POM121: variants seen among roughly 807,000 people sequenced by gnomAD.
POM121 encodes POM121 transmembrane nucleoporin.
POM121 carries 32 observed loss-of-function variants against 81.3 expected under a neutral mutation model. That is an observed-to-expected ratio of 0.39 (90% confidence interval 0.30 to 0.53). The LOEUF is 0.53. POM121 is among the 20% of genes least tolerant of loss of function. POM121 has a pLI of 0.66. For synonymous variants in POM121, 514 were observed against 694.2 expected, an observed-to-expected ratio of 0.74 and a Z score of 4.08; for missense variants, 1,138 against 1,614.6, an observed-to-expected ratio of 0.70 and a Z score of 5.06.
At chr7:72,889,420 G>A (rs1791080454) in intron 1 of POM121, among the ~76,000 whole-genome samples, 1 of 152,216 alleles carries the variant, frequency 6.6e-6, no homozygotes, top group African/African-American at 2.4e-5. Flanking sequence ...CTACAAGTTT[G>A]GGCGGGGCAT....
At chr7:72,939,477 T>G in intron 7 of POM121, 68 bp downstream of exon 7, 1 of 1,583,828 alleles carries the variant, frequency 6.3e-7, no homozygotes, top group South Asian at 1.1e-5. Context: ...ATGTAGAGAT[T>G]AATACCTATT....
At chr7:72,948,976 A>C (rs1554504134), downstream of POM121, 6 of 1,610,998 alleles carry the variant, frequency 3.7e-6, no homozygotes, top group Non-Finnish European at 5.1e-6. Context: ...GGAGTAGACG[A>C]GCCGCTGCAG....
At position 72,894,179 on chromosome 7, in the gene POM121, C is replaced by T. The variant is rs139019358; in HGVS notation, c.-216+3069C>T. On this transcript the variant is annotated intron_variant, in intron 3 of 15. Transcript: ENST00000395270. ...TTTGGAGGCTGAGGCACAAGAATTG[C>T]TTGAACCCGGGAGGCAGCAGTTGTG... Among the ~76,000 whole-genome samples the T allele has an allele frequency of 2.4e-4, 37 of 152,250 alleles. No homozygotes were observed. In the East Asian group the frequency reaches 6.2e-3, roughly 25 times the overall value.
chr7:72,935,437 A>G lies in POM121; in HGVS notation c.1276-3153A>G, dbSNP rs2429264. ...CAATCTTCCCACCTTGGCCTCCCTG[A>G]GTGCTGGGATTGTAGGCGTGAGCCA... On this transcript the variant is annotated intron_variant, in intron 5 of 12. Coordinates refer to ENST00000434423, the MANE Select transcript of POM121 (RefSeq NM_001387691.1). Among the ~76,000 whole-genome samples the G allele has an allele frequency of 1.8e-4, 27 of 152,322 alleles. No homozygotes were observed. The South Asian group carries it at 5.0e-3, about 28-fold the overall frequency.
At chr7:72,938,915 C>T (rs542361585) in intron 6 of POM121, among the ~76,000 whole-genome samples, 2 of 152,282 alleles carry the variant, frequency 1.3e-5, no homozygotes, top group Admixed American at 6.5e-5. Flanking sequence ...CATGAGGGAT[C>T]GGGTGCAAGC....
chr7:72,925,419 C>A lies in POM121; in HGVS notation c.298C>A (p.Arg100Ser), dbSNP rs1554497016. 2.0e-6 allele frequency: 3 copies of A among 1,533,222 alleles called. No homozygotes were observed. The highest frequency in any genetic ancestry group is 2.6e-6 in the Non-Finnish European group (3 of 1,146,172). 95.0% of individuals were successfully genotyped at this position (1,533,222 alleles called of 1,614,324 possible). A position where few individuals can be genotyped will look rare whatever the true frequency, so the allele number is the denominator to read the frequency against. Residue 100 changes from arginine to serine, a missense_variant, in exon 1 of 13, where the codon CGT (arginine) becomes AGT (serine). Arg to Ser is a moderately radical substitution (Grantham distance 110). Coordinates refer to ENST00000434423, the MANE Select transcript of POM121 (RefSeq NM_001387691.1). ...CTTGTCCTCCTTCGTTCGGAAGGCG[C>A]GTCATCGGCGAACACTGTTCGCTTC... Reference protein sequence around the residue: ...RPLSSFVRKARHRRTLFASPL... With the variant: ...RPLSSFVRKASHRRTLFASPL...
chr7:72,891,038 G>C (rs549839905), exon 3 of POM121: 1 of 795,864 alleles, frequency 1.3e-6, no homozygotes, highest in Non-Finnish European at 2.1e-6. Flanking sequence ...CAAGCCAAAC[G>C]TCATCATTAA....
rs782341482 is a variant in POM121, at chr7:72,928,462, CTAAG to C, written c.1103+3_1103+6del. Reference sequence around the variant, plus strand: ...AATGGAGTCCCCGCTTCTTTTGTGCCTAAGTAAGTGGGAGTCCATCCGGATGAAA... The same window carrying C: ...AATGGAGTCCCCGCTTCTTTTGTGCCTAAGTGGGAGTCCATCCGGATGAAA... On this transcript the variant is annotated splice_donor_variant and coding_sequence_variant, in exon 4 of 13. Coordinates refer to ENST00000434423, the MANE Select transcript of POM121 (RefSeq NM_001387691.1). LOFTEE classifies it high-confidence loss of function. 4 of 1,613,974 alleles carry C rather than the reference CTAAG, an allele frequency of 2.5e-6. No homozygotes were observed. In the East Asian group the frequency reaches 6.7e-5, roughly 27 times the overall value.
intron 3 of POM121, among the ~76,000 whole-genome samples, chr7:72,894,639 G>GAGAC (rs782717443): frequency 8.4e-6 from 1 of 118,718 alleles, no homozygotes; most frequent in African/African-American, 3.6e-5. Context: ...GAGAGAGAGA[G>GAGAC]AGAGAGAGAG....
At chr7:72,880,665 T>G (rs1790050036) in intron 1 of POM121, among the ~76,000 whole-genome samples, 1 of 151,420 alleles carries the variant, frequency 6.6e-6, no homozygotes, top group Non-Finnish European at 1.5e-5. Context: ...AGGGCAAGAG[T>G]ATCTCTTGAG....
chr7:72,918,270 G>A (rs1210912340), intron 4 of POM121, among the ~76,000 whole-genome samples: 1 of 152,176 alleles, frequency 6.6e-6, no homozygotes, highest in Non-Finnish European at 1.5e-5. Flanking sequence ...TTCCCGGTCT[G>A]CTAAGTAGCC....
rs782548422 is a variant in POM121 at position 72,946,285 on chromosome 7, T to C, written c.*51T>C. On this transcript the variant is annotated 3_prime_UTR_variant, in exon 13 of 13. Coordinates refer to ENST00000434423, the MANE Select transcript of POM121 (RefSeq NM_001387691.1). ...CCACCCCTTCCCTAAATCTGGACCT[T>C]GGCACCTGCTAGGAAGAGCCTTGGA... 1.6e-5 allele frequency: 26 copies of C among 1,602,358 alleles called. No individual in the cohort carries two copies. The highest frequency in any genetic ancestry group is 2.1e-5 in the Non-Finnish European group (25 of 1,175,146).
At chr7:72,926,099 A>G (rs1554497332) in intron 1 of POM121, among the ~76,000 whole-genome samples, 163 bp from the exon 2 acceptor site, 1 of 152,238 alleles carries the variant, frequency 6.6e-6, no homozygotes, top group African/African-American at 2.4e-5. Context: ...CTCTGGCCTT[A>G]GATGGAATAA....
Position 72,926,957 on chromosome 7 carries a change from A to G in POM121, c.1016A>G (p.Lys339Arg). ...DQIFLDGQEN[K>R]RRRHDSSGSG... ...ATATTCCTTGATGGCCAGGAAAATA[A>G]AAGAAGGTAACAGGCTCAGGAGAGT... is the stretch of plus-strand genomic sequence containing the variant. Residue 339 changes from lysine (K) to arginine (R), a missense_variant, in exon 3 of 13, where the codon AAA becomes AGA. This residue lies in a region of POM121 where 646 missense variants were observed against 633.5 expected (regional missense o/e 1.02). Transcript: ENST00000434423. The G allele has an allele frequency of 1.2e-6, 2 of 1,614,010 alleles. No individual in the cohort carries two copies. Among genetic ancestry groups the G allele is most frequent in the South Asian group, 1.1e-5 (1 of 91,078 alleles).
At chr7:72,894,450 C>T (rs1477517704) in intron 3 of POM121, among the ~76,000 whole-genome samples, 1 of 151,610 alleles carries the variant, frequency 6.6e-6, no homozygotes, top group Non-Finnish European at 1.5e-5. Flanking sequence ...TGGTGGCAGG[C>T]GCCTGTAATC....
Position 72,939,489 on chromosome 7 carries a change from A to T in POM121, c.1441+80A>T. On this transcript the variant is annotated intron_variant, in intron 7 of 12. Coordinates refer to ENST00000434423, the MANE Select transcript of POM121 (RefSeq NM_001387691.1). ...AGGATGTAGAGATTAATACCTATTG[A>T]AAAAAGGTCTTGAGCATTGCTATGT... The T allele has an allele frequency of 3.8e-6, 6 of 1,559,846 alleles. No homozygotes were observed. In the South Asian group the frequency reaches 7.0e-5, roughly 18 times the overall value.
intron 4 of POM121, among the ~76,000 whole-genome samples, chr7:72,918,416 CACTCTTGT>C (rs1794495689): frequency 6.6e-6 from 1 of 152,222 alleles, no homozygotes; most frequent in Non-Finnish European, 1.5e-5. Context: ...AGAAGGCTCA[CACTCTTGT>C]CTTCTGGTCA....
chr7:72,948,657 C>G, downstream of POM121: 3 of 1,604,086 alleles, frequency 1.9e-6, no homozygotes, highest in Admixed American at 1.7e-5. Flanking sequence ...AGCATGCCCC[C>G]ACTCACTCAC....
At chr7:72,905,318 G>A (rs1793132563) in intron 3 of POM121, among the ~76,000 whole-genome samples, 1 of 152,132 alleles carries the variant, frequency 6.6e-6, no homozygotes, top group Non-Finnish European at 1.5e-5. Flanking sequence ...TGTGTTTAGA[G>A]ATTTTCTGGT....
Sources: gnomAD v4.1 joint callset for allele counts (sites outside exome capture counted in the v4.1 genomes callset) on GRCh38, gnomAD v4.1.1 for gene constraint, gnomAD v4.1.1 regional missense constraint, MANE v1.5 for transcripts, NCBI Gene and HGNC (gene_info 2026-07-23, HGNC 2026-07-21) for gene names.